Variants in GPM6A observed in about 807,000 individuals in gnomAD.
GPM6A encodes the protein neuronal membrane glycoprotein M6-a.
GPM6A carries 7 observed loss-of-function variants against 32.1 expected under a neutral mutation model. The ratio of observed to expected loss-of-function variants is 0.22; its 90% CI spans 0.12 to 0.41. The LOEUF (loss-of-function observed/expected upper bound fraction) is 0.41, where lower values mean the gene tolerates loss of function less well. Among genes scored for constraint, GPM6A ranks in the 10% least tolerant of loss-of-function variants. The pLI is 1.00. For synonymous variants in GPM6A, 130 were observed against 123.4 expected, an observed-to-expected ratio of 1.05 and a Z score of -0.35; for missense variants, 235 against 347.2, an observed-to-expected ratio of 0.68 and a Z score of 2.57.
At chr4:175,734,162 T>TA (rs1560903510) in intron 1 of GPM6A, among the ~76,000 whole-genome samples, 409 of 133,650 alleles carry the variant, frequency 3.1e-3, no homozygotes, top group Non-Finnish European at 5.0e-3. Flanking sequence ...ATATATATAT[T>TA]TTTTAATTTC....
intron 1 of GPM6A, among the ~76,000 whole-genome samples, chr4:175,749,902 T>C (rs1732254669): frequency 6.6e-6 from 1 of 152,142 alleles, no homozygotes; most frequent in Non-Finnish European, 1.5e-5. Context: ...GCCTTCTGTG[T>C]CCTTTGTGGT....
chr4:175,993,185 C>CT lies in GPM6A; in HGVS notation c.-23+9123dup, dbSNP rs553051620. On this transcript the variant is annotated intron_variant, in intron 1 of 7. Coordinates refer to the GPM6A transcript ENST00000280187. ...CTTTCTTCCTTACTTTTCTTCCTTT[C>CT]TTTTTTTTTTTTCCTAGTCCTTGTA... is the stretch of plus-strand genomic sequence containing the variant. 9.1e-4 allele frequency among the ~76,000 whole-genome samples: 125 copies of CT among 137,674 alleles called. 1 individual carries two copies. Among genetic ancestry groups the CT allele is most frequent in the East Asian group, 5.3e-3 (24 of 4,544 alleles). 90.3% of individuals were successfully genotyped at this position (137,674 alleles called of 152,430 possible).
intron 2 of GPM6A, among the ~76,000 whole-genome samples, chr4:175,685,428 C>A (rs1242907523): frequency 6.6e-6 from 1 of 152,056 alleles, no homozygotes; most frequent in Non-Finnish European, 1.5e-5. Flanking sequence ...TTGTTAAGGT[C>A]CTTAATTTAC....
intron 1 of GPM6A, among the ~76,000 whole-genome samples, chr4:175,876,440 CT>C (rs1418411914): frequency 2.6e-5 from 4 of 152,140 alleles, no homozygotes; most frequent in African/African-American, 9.7e-5. Flanking sequence ...ATATACTGTA[CT>C]TTTTGTCCTC....
intron 3 of GPM6A, among the ~76,000 whole-genome samples, chr4:175,669,111 A>G (rs1262533803): frequency 6.6e-6 from 1 of 152,228 alleles, no homozygotes; most frequent in Non-Finnish European, 1.5e-5. Context: ...ACAATTAAGC[A>G]TAGTAGGTAT....
chr4:175,800,146 A>G (rs577759130), intron 1 of GPM6A, among the ~76,000 whole-genome samples: 1 of 152,304 alleles, frequency 6.6e-6, no homozygotes, highest in African/African-American at 2.4e-5. Flanking sequence ...TAATTCCAAT[A>G]ACTGTATAAT....
chr4:175,769,720 C>T (rs1182633099), intron 1 of GPM6A, among the ~76,000 whole-genome samples: 1 of 152,190 alleles, frequency 6.6e-6, no homozygotes, highest in African/African-American at 2.4e-5. Flanking sequence ...CTGTCTATGT[C>T]TTACTACCCT....
At chr4:175,694,777 A>C (rs764127051) in intron 2 of GPM6A, among the ~76,000 whole-genome samples, 3 of 152,238 alleles carry the variant, frequency 2.0e-5, no homozygotes, top group African/African-American at 4.8e-5. Context: ...AAAAGAAGCC[A>C]AGTGCTAATA....
intron 1 of GPM6A, among the ~76,000 whole-genome samples, chr4:175,903,676 C>T (rs1232969476): frequency 1.3e-5 from 2 of 152,120 alleles, no homozygotes; most frequent in South Asian, 2.1e-4. Context: ...CTTGAGGAAT[C>T]AGCAAACAAA....
At chr4:175,777,667 C>A (rs968913014) in intron 1 of GPM6A, among the ~76,000 whole-genome samples, 1 of 151,870 alleles carries the variant, frequency 6.6e-6, no homozygotes, top group African/African-American at 2.4e-5. Flanking sequence ...CAAAACACAC[C>A]AAATCCTAAA....
intron 1 of GPM6A, among the ~76,000 whole-genome samples, chr4:175,878,858 C>G (rs577393567): frequency 1.3e-5 from 2 of 152,226 alleles, no homozygotes; most frequent in South Asian, 4.2e-4. Context: ...CTTTGCTTCC[C>G]TTTTAAATGT....
At chr4:175,970,901 G>C in intron 1 of GPM6A, 1 of 446,496 alleles carries the variant, frequency 2.2e-6, no homozygotes, top group Non-Finnish European at 4.4e-6. Flanking sequence ...GATACCGACA[G>C]ACCCTTTTTT....
At chr4:175,777,247 T>A (rs950984536) in intron 1 of GPM6A, among the ~76,000 whole-genome samples, 1 of 152,146 alleles carries the variant, frequency 6.6e-6, no homozygotes, top group Non-Finnish European at 1.5e-5. Flanking sequence ...TCCTGACATA[T>A]TAACTAGAGA....
intron 1 of GPM6A, among the ~76,000 whole-genome samples, chr4:175,930,608 C>A (rs556308136): frequency 3.1e-4 from 47 of 151,820 alleles, no homozygotes; most frequent in Non-Finnish European, 6.2e-4. Flanking sequence ...TTCTTTTGAG[C>A]CTCAAAAGCT....
intron 1 of GPM6A, among the ~76,000 whole-genome samples, chr4:175,738,287 G>T (rs1036375572): frequency 1.3e-5 from 2 of 151,940 alleles, no homozygotes; most frequent in African/African-American, 4.8e-5. Context: ...AATTTGGAGG[G>T]ACCAAACGTT....
At chr4:175,818,478 T>C (rs976289191) in intron 1 of GPM6A, among the ~76,000 whole-genome samples, 1 of 152,260 alleles carries the variant, frequency 6.6e-6, no homozygotes, top group Non-Finnish European at 1.5e-5. Context: ...GTTCTATATA[T>C]ATGTATCTTC....
chr4:175,794,752 T>C (rs1192783816), intron 1 of GPM6A, among the ~76,000 whole-genome samples: 4 of 152,240 alleles, frequency 2.6e-5, no homozygotes, highest in Non-Finnish European at 2.9e-5. Context: ...GGTGGGCCTG[T>C]ACACATCACG....
intron 1 of GPM6A, among the ~76,000 whole-genome samples, chr4:175,762,456 A>C (rs755438360): frequency 6.6e-6 from 1 of 152,180 alleles, no homozygotes; most frequent in Admixed American, 6.5e-5. Context: ...ATAGGGGTAA[A>C]TTCACTATAT....
intron 1 of GPM6A, among the ~76,000 whole-genome samples, chr4:175,775,557 C>T (rs951170237): frequency 6.6e-6 from 1 of 151,904 alleles, no homozygotes; most frequent in Non-Finnish European, 1.5e-5. Context: ...AGTTATTTTG[C>T]ATTTCAAAAT....
Sources: gnomAD v4.1 joint callset for allele counts (sites outside exome capture counted in the v4.1 genomes callset) on GRCh38, gnomAD v4.1.1 for gene constraint, MANE v1.5 for transcripts, NCBI Gene and HGNC (gene_info 2026-07-23, HGNC 2026-07-21) for gene names.